DNM3: variants seen among roughly 807,000 people sequenced by gnomAD.
The protein encoded by DNM3 is dynamin 3, also known as dynamin-3.
In DNM3, 47 loss-of-function variants were observed where a neutral mutation model predicts 101.6. The ratio of observed to expected loss-of-function variants is 0.46; its 90% CI spans 0.37 to 0.59. The LOEUF (loss-of-function observed/expected upper bound fraction) is 0.59, where lower values mean the gene tolerates loss of function less well. DNM3 is among the 20% of genes least tolerant of loss of function. The pLI, the probability that DNM3 is intolerant of heterozygous loss-of-function variation, is 0.00. For missense variants in DNM3, 849 were observed against 1,085.7 expected (o/e 0.78, Z 3.06); for synonymous variants, 385 against 387.9 (o/e 0.99, Z 0.09).
chr1:171,931,813 A>G (rs1342761238), intron 2 of DNM3, among the ~76,000 whole-genome samples: 1 of 152,084 alleles, frequency 6.6e-6, no homozygotes, highest in African/African-American at 2.4e-5. Flanking sequence ...ACTTTTTTTA[A>G]ATTTAGGGGT....
intron 1 of DNM3, chr1:171,864,575 T>A (rs1571307452): frequency 6.6e-6 from 1 of 152,104 alleles, no homozygotes; most frequent in Non-Finnish European, 1.5e-5. Flanking sequence ...TGGAGGCCCC[T>A]GAGCTTAGAA....
chr1:172,231,422 T>C (rs1490645672), intron 14 of DNM3, among the ~76,000 whole-genome samples: 6 of 151,978 alleles, frequency 3.9e-5, no homozygotes, highest in African/African-American at 9.7e-5. Context: ...AGAAAGGACA[T>C]CCACACCAAA....
At chr1:172,389,079 T>G (rs1420974056) in intron 20 of DNM3, 2 of 477,440 alleles carry the variant, frequency 4.2e-6, no homozygotes, top group Non-Finnish European at 7.5e-6. Flanking sequence ...TTTTGGCAGC[T>G]ATTGGGAGAA....
At chr1:172,194,397 T>G (rs2059865629) in intron 14 of DNM3, among the ~76,000 whole-genome samples, 1 of 152,096 alleles carries the variant, frequency 6.6e-6, no homozygotes, top group Non-Finnish European at 1.5e-5. Flanking sequence ...CAGAGCGGAG[T>G]TCAATTCCTG....
chr1:171,961,522 G>C (rs1214153271), intron 2 of DNM3, among the ~76,000 whole-genome samples: 1 of 152,146 alleles, frequency 6.6e-6, no homozygotes. Context: ...TACAGCCATT[G>C]CATGAAACAG....
Position 172,057,978 on chromosome 1 carries a change from C to T in DNM3, c.1335+9228C>T, listed in dbSNP as rs187800103. Among the ~76,000 whole-genome samples, 139 of 140,688 alleles carry T rather than the reference C, an allele frequency of 9.9e-4. 2 individuals carry two copies. Among genetic ancestry groups the T allele is most frequent in the African/African-American group, 3.1e-3 (113 of 36,322 alleles). 92.3% of individuals were successfully genotyped at this position (140,688 alleles called of 152,430 possible). On this transcript the variant is annotated intron_variant, in intron 10 of 20. Transcript: ENST00000627582. ...TCATGTGCAGAGACACACATAGGCT[C>T]AACATGAAAGGATGGAGGAAGATCT... is the stretch of plus-strand genomic sequence containing the variant.
intron 11 of DNM3, among the ~76,000 whole-genome samples, chr1:172,074,866 T>C (rs887757873): frequency 4.1e-4 from 62 of 152,222 alleles, no homozygotes; most frequent in African/African-American, 1.4e-3. Flanking sequence ...GTATTGCTGG[T>C]TCTAGGTCAT....
intron 2 of DNM3, among the ~76,000 whole-genome samples, chr1:171,939,796 T>G (rs1304369598): frequency 6.6e-6 from 1 of 152,150 alleles, no homozygotes; most frequent in Non-Finnish European, 1.5e-5. Context: ...AATTGTTACT[T>G]ACCTACGCCT....
intron 6 of DNM3, among the ~76,000 whole-genome samples, chr1:172,037,676 G>A (rs1197738507): frequency 6.6e-6 from 1 of 152,082 alleles, no homozygotes; most frequent in Admixed American, 6.6e-5. Context: ...TGAGCTTGAG[G>A]TGCCTGCTGA....
At chr1:172,054,183 T>TTAAGC (rs753967578) in intron 10 of DNM3, among the ~76,000 whole-genome samples, 32 of 152,250 alleles carry the variant, frequency 2.1e-4, no homozygotes, top group Non-Finnish European at 4.1e-4. Flanking sequence ...TAAATGCTTT[T>TTAAGC]TTCTTAAGCT....
chr1:171,949,745 A>G (rs936517263), intron 2 of DNM3, among the ~76,000 whole-genome samples: 4 of 152,158 alleles, frequency 2.6e-5, no homozygotes, highest in African/African-American at 9.7e-5. Flanking sequence ...TACACCTATT[A>G]GTATGTCTAA....
chr1:171,947,158 A>G (rs2042222862), intron 2 of DNM3, among the ~76,000 whole-genome samples: 2 of 152,306 alleles, frequency 1.3e-5, no homozygotes, highest in East Asian at 3.9e-4. Flanking sequence ...CAGAAGTGAC[A>G]CAAGAGGAAC....
chr1:172,213,235 C>G (rs2060573381), intron 14 of DNM3, among the ~76,000 whole-genome samples: 1 of 150,314 alleles, frequency 6.7e-6, no homozygotes, highest in Non-Finnish European at 1.5e-5. Flanking sequence ...TTGCTTCTGG[C>G]CAATAGACCT....
intron 14 of DNM3, among the ~76,000 whole-genome samples, chr1:172,136,024 C>T (rs2057207115): frequency 6.6e-6 from 1 of 151,972 alleles, no homozygotes; most frequent in Admixed American, 6.6e-5. Context: ...TAATGAGCTA[C>T]TCCTAGGCAA....
At position 172,354,112 on chromosome 1, in the gene DNM3, TGAGAGA is replaced by T. The variant is rs71563205; in HGVS notation, c.1894-24881_1894-24876del. ...GGGTGTGTGTGTGTGTGTGTGTGTG[TGAGAGA>T]GAGAGAGAGAGAGAGAGAGAGAGAA... On this transcript the variant is annotated intron_variant, in intron 17 of 20. Transcript: ENST00000627582. Among the ~76,000 whole-genome samples, 12 of 94,964 alleles carry T rather than the reference TGAGAGA, an allele frequency of 1.3e-4. No individual in the cohort carries two copies. The South Asian group carries it at 3.0e-3, about 24-fold the overall frequency. 62.3% of individuals were successfully genotyped at this position (94,964 alleles called of 152,430 possible). A position where few individuals can be genotyped will look rare whatever the true frequency, so the allele number is the denominator to read the frequency against.
intron 4 of DNM3, among the ~76,000 whole-genome samples, chr1:172,001,821 C>T (rs923901854): frequency 2.0e-5 from 3 of 151,900 alleles, no homozygotes; most frequent in Admixed American, 6.6e-5. Context: ...CCTCCTTCAG[C>T]GTTTGCTTTT....
At chr1:171,958,428 G>A (rs1276114914) in intron 2 of DNM3, among the ~76,000 whole-genome samples, 1 of 152,208 alleles carries the variant, frequency 6.6e-6, no homozygotes, top group Non-Finnish European at 1.5e-5. Flanking sequence ...GGGAGAACAA[G>A]GAAAAGGGCT....
intron 1 of DNM3, among the ~76,000 whole-genome samples, chr1:171,865,332 G>A (rs1179549646): frequency 2.0e-5 from 3 of 151,870 alleles, no homozygotes; most frequent in South Asian, 2.1e-4. Context: ...CCTGGGCAAC[G>A]TGGTGAAACC....
intron 2 of DNM3, among the ~76,000 whole-genome samples, chr1:171,960,492 G>A (rs61805815): frequency 0.15 from 23,580 of 152,156 alleles, 2,402 homozygotes; most frequent in South Asian, 0.26. Flanking sequence ...AGAGAAAGTG[G>A]CAGTGTTGAA....
Sources: gnomAD v4.1 joint callset for allele counts (sites outside exome capture counted in the v4.1 genomes callset) on GRCh38, gnomAD v4.1.1 for gene constraint, MANE v1.5 for transcripts, NCBI Gene and HGNC (gene_info 2026-07-23, HGNC 2026-07-21) for gene names.